Variants in PLCXD2 observed in about 807,000 individuals in gnomAD.
The protein encoded by PLCXD2 is phosphatidylinositol specific phospholipase C X domain containing 2, also known as PI-PLC X domain-containing protein 2.
A neutral mutation model predicts 28.6 loss-of-function variants in PLCXD2; 21 were observed. The observed-to-expected ratio is 0.73, with a 90% CI of 0.52 to 1.06. The LOEUF is 1.06. Among genes scored for constraint, PLCXD2 ranks in the 50% least tolerant of loss-of-function variants. PLCXD2 has a pLI of 0.00. For missense variants in PLCXD2, 369 were observed against 376.7 expected (o/e 0.98, Z 0.17); for synonymous variants, 140 against 150.1 (o/e 0.93, Z 0.49).
At chr3:111,699,116 C>A (rs1941005418) in intron 1 of PLCXD2, among the ~76,000 whole-genome samples, 1 of 152,124 alleles carries the variant, frequency 6.6e-6, no homozygotes. Context: ...AGGAGGTTTT[C>A]TTAAATATGT....
intron 1 of PLCXD2, 93 bp downstream of exon 1, chr3:111,675,501 A>G: frequency 6.9e-7 from 1 of 1,456,178 alleles, no homozygotes. Flanking sequence ...GTGCTGAGAA[A>G]TTAATTGTCA....
At chr3:111,685,291 G>T (rs1485094450) in intron 1 of PLCXD2, among the ~76,000 whole-genome samples, 2 of 152,132 alleles carry the variant, frequency 1.3e-5, no homozygotes, top group Non-Finnish European at 2.9e-5. Flanking sequence ...TAGAAAATTT[G>T]TTGAGTTTCT....
intron 2 of PLCXD2, among the ~76,000 whole-genome samples, chr3:111,709,482 A>ACG (rs1432424976): frequency 2.0e-5 from 3 of 151,738 alleles, no homozygotes; most frequent in East Asian, 1.9e-4. Flanking sequence ...ACACACACAC[A>ACG]CGCACACACA....
chr3:111,689,851 T>C (rs2107845864), intron 1 of PLCXD2, among the ~76,000 whole-genome samples: 1 of 152,328 alleles, frequency 6.6e-6, no homozygotes, highest in Non-Finnish European at 1.5e-5. Context: ...CAAAATCTTA[T>C]AACTGCATTG....
At chr3:111,709,136 C>G (rs1941164613) in intron 2 of PLCXD2, among the ~76,000 whole-genome samples, 1 of 150,486 alleles carries the variant, frequency 6.6e-6, no homozygotes, top group African/African-American at 2.4e-5. Flanking sequence ...AAGTTACTCA[C>G]TTGCTCAGCA....
At chr3:111,687,689 T>C (rs866929300) in intron 1 of PLCXD2, among the ~76,000 whole-genome samples, 165 of 151,554 alleles carry the variant, frequency 1.1e-3, no homozygotes, top group South Asian at 7.3e-3. Flanking sequence ...TCTTTCTTTT[T>C]TTTTTTTTTG....
intron 1 of PLCXD2, among the ~76,000 whole-genome samples, chr3:111,684,595 A>G (rs1428699036): frequency 6.6e-6 from 1 of 151,990 alleles, no homozygotes; most frequent in Non-Finnish European, 1.5e-5. Flanking sequence ...CGGAGGTTGC[A>G]GAGAGCCAAG....
At chr3:111,726,352 G>A (rs1941415325) in intron 3 of PLCXD2, 1 of 152,586 alleles carries the variant, frequency 6.6e-6, no homozygotes, top group Non-Finnish European at 1.5e-5. Flanking sequence ...AATACAGATT[G>A]TGTATGCATT....
At chr3:111,710,203 T>C (rs1431763197) in intron 2 of PLCXD2, among the ~76,000 whole-genome samples, 3 of 152,224 alleles carry the variant, frequency 2.0e-5, no homozygotes, top group African/African-American at 7.2e-5. Flanking sequence ...TGCTAAAGTC[T>C]ATCTAAACAA....
chr3:111,717,603 A>G (rs1233219704), intron 3 of PLCXD2, among the ~76,000 whole-genome samples: 2 of 152,232 alleles, frequency 1.3e-5, no homozygotes, highest in Non-Finnish European at 2.9e-5. Context: ...AACCACAGGT[A>G]CATACCTTTC....
intron 3 of PLCXD2, 89 bp downstream of exon 3, chr3:111,714,217 A>C: frequency 7.0e-7 from 1 of 1,436,186 alleles, no homozygotes; most frequent in Non-Finnish European, 9.2e-7. Context: ...AAAGCCATGT[A>C]GTCTGAGGAG....
chr3:111,695,160 TAAAAAA>T (rs10662190), intron 1 of PLCXD2, among the ~76,000 whole-genome samples: 2 of 132,372 alleles, frequency 1.5e-5, no homozygotes, highest in Non-Finnish European at 3.1e-5. Flanking sequence ...ACCCATTTTC[TAAAAAA>T]AAAAAAAAAA....
chr3:111,683,465 A>G (rs1940747417), intron 1 of PLCXD2, among the ~76,000 whole-genome samples: 1 of 152,216 alleles, frequency 6.6e-6, no homozygotes, highest in Non-Finnish European at 1.5e-5. Flanking sequence ...AAATGGGTGG[A>G]AAGTCCCCCC....
intron 1 of PLCXD2, among the ~76,000 whole-genome samples, chr3:111,700,906 T>C (rs1302925090): frequency 6.6e-6 from 1 of 152,048 alleles, no homozygotes; most frequent in African/African-American, 2.4e-5. Context: ...AAGAAACTTG[T>C]GATCAAAAAG....
In PLCXD2 at chr3:111,708,358, T is replaced by C. The variant is rs746786741; in HGVS notation, c.596T>C (p.Leu199Pro). The C allele has an allele frequency of 2.2e-5, 35 of 1,613,986 alleles. No individual in the cohort carries two copies. Among genetic ancestry groups the C allele is most frequent in the South Asian group, 3.3e-5 (3 of 91,060 alleles). The change falls in exon 2 of 5, where the codon CTG becomes CCG. Residue 199 changes from leucine (L) to proline (P), a missense_variant. Physicochemically the swap from Leu to Pro is moderately conservative, Grantham distance 98. Transcript: ENST00000477665. Reference sequence around the variant, plus strand: ...GCCTGCAGTGTGGAAAGTTTGACGCTGCGAACTCTGTGGGAGAAGAACTGC... The same window carrying C: ...GCCTGCAGTGTGGAAAGTTTGACGCCGCGAACTCTGTGGGAGAAGAACTGC...
intron 1 of PLCXD2, among the ~76,000 whole-genome samples, chr3:111,700,120 G>C (rs1941020438): frequency 6.6e-6 from 1 of 152,114 alleles, no homozygotes; most frequent in Admixed American, 6.6e-5. Flanking sequence ...AGAAGGTTTG[G>C]GGTGAGCTCA....
In PLCXD2 at chr3:111,720,655, A is replaced by G. The variant is rs912010663; in HGVS notation, c.866+6527A>G. On this transcript the variant is annotated intron_variant, in intron 3 of 4. Transcript: ENST00000477665. ...ATATTAAGGGAAATGTTTTATGTCC[A>G]TGTCTGGAGAAGACCCTCTAAGCTG... 6.7e-5 allele frequency: 28 copies of G among 416,332 alleles called. No individual in the cohort carries two copies. The Middle Eastern group carries it at 9.3e-4, about 14-fold the overall frequency. 25.8% of individuals were successfully genotyped at this position (416,332 alleles called of 1,614,324 possible).
chr3:111,694,765 G>A (rs1040413837), intron 1 of PLCXD2, among the ~76,000 whole-genome samples: 1 of 152,312 alleles, frequency 6.6e-6, no homozygotes, highest in African/African-American at 2.4e-5. Context: ...AGTCCAGCTA[G>A]GCCGGTGCTC....
chr3:111,707,868 G>T, intron 1 of PLCXD2, 58 bp from the exon 2 acceptor site: 1 of 1,451,328 alleles, frequency 6.9e-7, no homozygotes, highest in Non-Finnish European at 9.3e-7. Flanking sequence ...TCATCAATTG[G>T]CTTATTTTTC....
Sources: allele counts gnomAD v4.1 joint callset (sites outside exome capture counted in the v4.1 genomes callset), GRCh38; gene constraint gnomAD v4.1.1; transcripts MANE v1.5; gene names NCBI Gene and HGNC (gene_info 2026-07-23, HGNC 2026-07-21).